ATG4D: variants seen among roughly 807,000 people sequenced by gnomAD.
ATG4D encodes the protein cysteine protease ATG4D.
ATG4D carries 51 observed loss-of-function variants against 55.2 expected under a neutral mutation model. That is an observed-to-expected ratio of 0.92 (90% CI 0.74 to 1.17). ATG4D has a LOEUF of 1.17. Among genes scored for constraint, ATG4D ranks in the 50% most tolerant of loss-of-function variants. The probability of loss-of-function intolerance (pLI) is 0.00; values close to 1 mark genes in which losing one functional copy is unlikely to be tolerated. For missense variants in ATG4D, 635 were observed against 649.6 expected, an observed-to-expected ratio of 0.98 and a Z score of 0.25; for synonymous variants, 268 against 266.2, an observed-to-expected ratio of 1.01 and a Z score of -0.07.
intron 7 of ATG4D, 29 bp downstream of exon 7, chr19:10,552,004 ACCC>A (rs1916265739): frequency 1.5e-6 from 1 of 670,052 alleles, no homozygotes; most frequent in African/African-American, 3.1e-5. Flanking sequence ...CACTCCTCCC[ACCC>A]CCCACCGCAC....
At chr19:10,551,452 T>G (rs1489400288) in intron 6 of ATG4D, among the ~76,000 whole-genome samples, 1 of 151,722 alleles carries the variant, frequency 6.6e-6, no homozygotes, top group Non-Finnish European at 1.5e-5. Flanking sequence ...CCCAGCACTT[T>G]AGGAGGCCGA....
chr19:10,543,927 T>A lies in ATG4D; in HGVS notation c.-164T>A. On this transcript the variant is annotated 5_prime_UTR_variant, in exon 1 of 10. It removes an upstream start codon present in the reference 5' UTR. Coordinates refer to ENST00000309469, the MANE Select transcript of ATG4D (RefSeq NM_032885.6). Reference sequence around the variant, plus strand: ...GGGTCCTGGCCCGCTAAGATGGCGATGGCTGCGGTAGCAGCGGCGGCGGCT... The same window carrying A: ...GGGTCCTGGCCCGCTAAGATGGCGAAGGCTGCGGTAGCAGCGGCGGCGGCT... 1 of 419,020 alleles carries A rather than the reference T, an allele frequency of 2.4e-6. No homozygotes were observed. Among genetic ancestry groups the A allele is most frequent in the Non-Finnish European group, 4.0e-6 (1 of 251,026 alleles). The allele number at this position is 419,020 out of a possible 1,614,324, so 26.0% of individuals were successfully genotyped here. A position where few individuals can be genotyped will look rare whatever the true frequency, so the allele number is the denominator to read the frequency against.
chr19:10,551,863 G>A, intron 6 of ATG4D, 34 bp from the exon 7 acceptor site: 1 of 1,609,788 alleles, frequency 6.2e-7, no homozygotes, highest in Non-Finnish European at 8.5e-7. Context: ...TTGAGTGGCT[G>A]CCTGACAGCA....
At position 10,544,945 on chromosome 19, in the gene ATG4D, C is replaced by T. The variant is rs749263954; in HGVS notation, c.320-12C>T. 1.9e-6 allele frequency: 3 copies of T among 1,581,866 alleles called. No individual in the cohort carries two copies. The highest frequency in any genetic ancestry group is 2.6e-6 in the Non-Finnish European group (3 of 1,161,582). On this transcript the variant is annotated splice_polypyrimidine_tract_variant and intron_variant, in intron 2 of 9. Coordinates refer to ENST00000309469, the MANE Select transcript of ATG4D (RefSeq NM_032885.6). ...GTGTCCCTGGTGGCAGCTGACAGAC[C>T]CGCTCTTGTAGGTGACATACAGCGT... is the stretch of plus-strand genomic sequence containing the variant.
chr19:10,544,898 A>G (rs1599515267), intron 2 of ATG4D, 32 bp downstream of exon 2: 3 of 1,594,238 alleles, frequency 1.9e-6, no homozygotes, highest in Non-Finnish European at 2.6e-6. Flanking sequence ...GGGCTGGGGG[A>G]GGCCTCTCCA....
Position 10,552,867 on chromosome 19 carries a change from TCTCC to T in ATG4D, c.1243-14_1243-11del, listed in dbSNP as rs200861525. ...TTGGCACTGTTTGTGGCTGACCCTG[TCTCC>T]CTCTTCCCGCCAGGTCCTCAGCTCC... On this transcript the variant is annotated splice_polypyrimidine_tract_variant and intron_variant, in intron 9 of 9. Coordinates refer to ENST00000309469, the MANE Select transcript of ATG4D (RefSeq NM_032885.6). 4,705 of 1,596,816 alleles carry T rather than the reference TCTCC, an allele frequency of 2.9e-3. 105 individuals carry two copies. The African/African-American group carries it at 0.055, about 19-fold the overall frequency.
Position 10,552,120 on chromosome 19 carries a change from A to C in ATG4D, c.1121A>C (p.Glu374Ala). The change falls in exon 8 of 10, where the codon GAG (glutamate) becomes GCG (alanine). Residue 374 changes from glutamate to alanine, a missense_variant and splice_region_variant. Transcript: ENST00000309469. ...GTCAGCCAGGCCGACTTCCCCCTGGAGGTGAGTGGGAGCCCCAGTGTGTGG... is the reference window on the plus strand; with the variant it reads ...GTCAGCCAGGCCGACTTCCCCCTGGCGGTGAGTGGGAGCCCCAGTGTGTGG... The part of the protein sequence containing the change: ...VDVSQADFPL[E>A]SFHCTSPRKM... The C allele has an allele frequency of 6.2e-7, 1 of 1,611,576 alleles. No individual in the cohort carries two copies. Among genetic ancestry groups the C allele is most frequent in the Non-Finnish European group, 8.5e-7 (1 of 1,179,958 alleles).
rs1916366510 is a variant in ATG4D, at chr19:10,553,297, G to A, written c.*230G>A. 1 of 537,554 alleles carries A rather than the reference G, an allele frequency of 1.9e-6. No individual in the cohort carries two copies. Among genetic ancestry groups the A allele is most frequent in the Non-Finnish European group, 3.2e-6 (1 of 312,842 alleles). 33.3% of individuals were successfully genotyped at this position (537,554 alleles called of 1,614,324 possible). ...GCAGGGTAGGGAAGGAGGACCCCGG[G>A]CACCCCCCTCAGGGCCTGACTCACG... On this transcript the variant is annotated 3_prime_UTR_variant, in exon 10 of 10. Transcript: ENST00000309469.
intron 3 of ATG4D, 94 bp from the exon 4 acceptor site, chr19:10,546,745 T>A (rs1916040837): frequency 4.6e-6 from 6 of 1,303,698 alleles, no homozygotes; most frequent in Non-Finnish European, 4.2e-6. Flanking sequence ...ATTACGGGGT[T>A]CAGGAGCATT....
intron 9 of ATG4D, among the ~76,000 whole-genome samples, 171 bp from the exon 10 acceptor site, chr19:10,552,714 T>C (rs531081679): frequency 2.0e-5 from 3 of 152,360 alleles, no homozygotes; most frequent in East Asian, 1.9e-4. Context: ...TTGGCTGAGC[T>C]GGGTCACATG....
Position 10,552,221 on chromosome 19 carries a change from C to A in ATG4D, c.1139C>A (p.Ser380Ter). Reference sequence around the variant, plus strand: ...CTGCCCCAGTCCTTCCACTGCACCTCGCCCCGCAAGATGGCCTTTGCCAAG... The same window carrying A: ...CTGCCCCAGTCCTTCCACTGCACCTAGCCCCGCAAGATGGCCTTTGCCAAG... The part of the protein sequence containing the change: ...DFPLESFHCT[S>*]PRKMAFAKMD... The change falls in exon 9 of 10, where the codon TCG becomes TAG. Residue 380 changes from serine (S) to a stop codon, truncating the protein, a stop_gained. Coordinates refer to ENST00000309469, the MANE Select transcript of ATG4D (RefSeq NM_032885.6). LOFTEE classifies it high-confidence loss of function. The A allele has an allele frequency of 6.2e-7, 1 of 1,613,048 alleles. No individual in the cohort carries two copies. The highest frequency in any genetic ancestry group is 8.5e-7 in the Non-Finnish European group (1 of 1,180,010).
chr19:10,551,347 A>T (rs1033466919), intron 6 of ATG4D, among the ~76,000 whole-genome samples: 3 of 152,100 alleles, frequency 2.0e-5, no homozygotes, highest in Admixed American at 1.3e-4. Context: ...CTGTAATCCC[A>T]GCTGCTCGGG....
chr19:10,550,523 C>A (rs73496517), intron 6 of ATG4D, among the ~76,000 whole-genome samples: 1 of 152,088 alleles, frequency 6.6e-6, no homozygotes, highest in African/African-American at 2.4e-5. Flanking sequence ...CCACAGAGCC[C>A]GGCACTATTT....
rs957582388 is a variant in ATG4D at position 10,544,010 on chromosome 19, T to C, written c.-81T>C. On this transcript the variant is annotated 5_prime_UTR_variant, in exon 1 of 10. Transcript: ENST00000309469. ...CGAGTAGCGCCTTCCCCGGGCCCCG[T>C]GAACCGGCTGCGGGTCGCCCTTGGG... The C allele has an allele frequency of 9.8e-6, 10 of 1,019,224 alleles. No homozygotes were observed. The highest frequency in any genetic ancestry group is 1.1e-5 in the Non-Finnish European group (9 of 797,486). 63.1% of individuals were successfully genotyped at this position (1,019,224 alleles called of 1,614,324 possible). A position where few individuals can be genotyped will look rare whatever the true frequency, so the allele number is the denominator to read the frequency against.
chr19:10,550,088 A>T (rs1245047379), intron 6 of ATG4D, among the ~76,000 whole-genome samples: 1 of 151,164 alleles, frequency 6.6e-6, no homozygotes, highest in Non-Finnish European at 1.5e-5. Flanking sequence ...GCTCACTGCA[A>T]CCTCCGCTTC....
At position 10,547,003 on chromosome 19, in the gene ATG4D, G is replaced by A. The variant is rs972057000; in HGVS notation, c.658G>A (p.Ala220Thr). 5 of 1,591,878 alleles carry A rather than the reference G, an allele frequency of 3.1e-6. No homozygotes were observed. Among genetic ancestry groups the A allele is most frequent in the Non-Finnish European group, 4.3e-6 (5 of 1,169,780 alleles). ...RRHRQIVSWF[A>T]DHPRAPFGLH... Reference sequence around the variant, plus strand: ...GCACCGGCAGATTGTGTCCTGGTTCGCCGACCACCCCCGGGCCCCCTTTGG... The same window carrying A: ...GCACCGGCAGATTGTGTCCTGGTTCACCGACCACCCCCGGGCCCCCTTTGG... Residue 220 changes from alanine (A) to threonine (T), a missense_variant, in exon 4 of 10, where the codon GCC becomes ACC. Coordinates refer to ENST00000309469, the MANE Select transcript of ATG4D (RefSeq NM_032885.6).
At chr19:10,549,848 T>C (rs1280690781) in intron 6 of ATG4D, among the ~76,000 whole-genome samples, 2 of 152,110 alleles carry the variant, frequency 1.3e-5, no homozygotes, top group South Asian at 4.1e-4. Context: ...GACGTTCTGA[T>C]GGGAGGATGC....
In ATG4D at chr19:10,552,192, C is replaced by T; in HGVS notation, c.1123-13C>T. On this transcript the variant is annotated splice_polypyrimidine_tract_variant and intron_variant, in intron 8 of 9. Transcript: ENST00000309469. ...AGCCCAGCCTCTGAGCCTTCCTCGT[C>T]TGTCTGCCCCAGTCCTTCCACTGCA... 2 of 1,611,662 alleles carry T rather than the reference C, an allele frequency of 1.2e-6. No homozygotes were observed. The highest frequency in any genetic ancestry group is 1.3e-5 in the African/African-American group (1 of 75,006).
At position 10,544,231 on chromosome 19, in the gene ATG4D, C is replaced by T. The variant is rs1915958810; in HGVS notation, c.141C>T (p.Pro47=). Residue 47 remains proline (P), a synonymous_variant, in exon 1 of 10, where the codon CCC becomes CCT. Transcript: ENST00000309469. ...NGLGPSGASG[P]ALGSPGAGPS... is the part of the protein sequence containing the mutation. The stretch of plus-strand genomic sequence containing the variant: ...TGGGGCCTTCCGGAGCCAGCGGCCC[C>T]GCTCTTGGCTCTCCCGGGGCTGGCC... 8.0e-7 allele frequency: 1 copy of T among 1,256,622 alleles called. No individual in the cohort carries two copies. The highest frequency in any genetic ancestry group is 1.5e-5 in the African/African-American group (1 of 64,802). 77.8% of individuals were successfully genotyped at this position (1,256,622 alleles called of 1,614,324 possible).
Sources: allele counts gnomAD v4.1 joint callset (sites outside exome capture counted in the v4.1 genomes callset), GRCh38; gene constraint gnomAD v4.1.1; transcripts MANE v1.5; gene names NCBI Gene and HGNC (gene_info 2026-07-23, HGNC 2026-07-21).